Variants in SPTBN1 observed in about 807,000 individuals in gnomAD.
The protein encoded by SPTBN1 is spectrin beta chain, non-erythrocytic 1.
SPTBN1 carries 32 observed loss-of-function variants against 266.4 expected under a neutral mutation model. The ratio of observed to expected loss-of-function variants is 0.12; its 90% CI spans 0.09 to 0.16. The LOEUF (loss-of-function observed/expected upper bound fraction) is 0.16, where lower values mean the gene tolerates loss of function less well. SPTBN1 is among the 10% of genes least tolerant of loss of function. SPTBN1 has a pLI of 1.00. For missense variants in SPTBN1, 2,296 were observed against 3,067.1 expected (o/e 0.75, Z 5.94); for synonymous variants, 1,336 against 1,162.2 (o/e 1.15, Z -3.04).
At position 54,668,339 on chromosome 2, in the gene SPTBN1, T is replaced by TC. The variant is rs770489437; in HGVS notation, c.6877-10dup. ...TTAGTTGAGTCTCACCTGTGTCCCT[T>TC]CCTCTGTCCAGGAGGAAATGAACAC... On this transcript the variant is annotated splice_polypyrimidine_tract_variant and intron_variant, in intron 35 of 35. Coordinates refer to ENST00000356805, the MANE Select transcript of SPTBN1 (RefSeq NM_003128.3). 2 of 1,613,546 alleles carry TC rather than the reference T, an allele frequency of 1.2e-6. No individual in the cohort carries two copies. The highest frequency in any genetic ancestry group is 2.7e-5 in the African/African-American group (2 of 75,020).
chr2:54,661,463 C>T (rs962773994), intron 32 of SPTBN1: 2 of 985,532 alleles, frequency 2.0e-6, no homozygotes, highest in African/African-American at 1.7e-5. Context: ...GTCAGGATAA[C>T]GTCATATAGC....
At chr2:54,555,259 G>A (rs527748448) in intron 2 of SPTBN1, among the ~76,000 whole-genome samples, 17 of 152,188 alleles carry the variant, frequency 1.1e-4, no homozygotes, top group Admixed American at 3.3e-4. Context: ...CTGCACTCAG[G>A]ACTGTATCTT....
intron 26 of SPTBN1, among the ~76,000 whole-genome samples, chr2:54,651,390 G>A (rs1403002131): frequency 6.6e-6 from 1 of 152,144 alleles, no homozygotes; most frequent in African/African-American, 2.4e-5. Flanking sequence ...TTATAGCAGT[G>A]AAAAGGATGT....
At chr2:54,497,390 CT>C (rs1344695977) in intron 1 of SPTBN1, among the ~76,000 whole-genome samples, 17 of 152,118 alleles carry the variant, frequency 1.1e-4, no homozygotes, top group African/African-American at 3.4e-4. Flanking sequence ...TTCCACTAAG[CT>C]CACTTGAGTA....
intron 26 of SPTBN1, 130 bp downstream of exon 26, chr2:54,650,119 C>G: frequency 3.3e-6 from 4 of 1,208,932 alleles, no homozygotes; most frequent in Non-Finnish European, 4.5e-6. Context: ...ATACATGTAC[C>G]CACTTTGTAA....
intron 17 of SPTBN1, among the ~76,000 whole-genome samples, chr2:54,633,034 A>T (rs1269841888): frequency 6.6e-6 from 1 of 152,172 alleles, no homozygotes; most frequent in African/African-American, 2.4e-5. Flanking sequence ...GAGGACCTGT[A>T]AGAGCCGTAG....
chr2:54,590,354 A>G (rs1675590210), intron 2 of SPTBN1, among the ~76,000 whole-genome samples: 1 of 152,220 alleles, frequency 6.6e-6, no homozygotes, highest in East Asian at 1.9e-4. Context: ...TGAGACCACC[A>G]CCAACAATAA....
intron 2 of SPTBN1, among the ~76,000 whole-genome samples, chr2:54,538,388 A>G (rs989664151): frequency 6.6e-6 from 1 of 152,310 alleles, no homozygotes; most frequent in African/African-American, 2.4e-5. Context: ...GTGCCATTCT[A>G]GATTCTTTAG....
In SPTBN1 at chr2:54,558,427, C is replaced by A; in HGVS notation, c.148+31861C>A. The stretch of plus-strand genomic sequence containing the variant: ...CGCTGCGCCCGCGAGCTCCCGGGCT[C>A]GGCAACCGTGGCATGCTTAGGATTG... On this transcript the variant is annotated intron_variant, in intron 2 of 35. Transcript: ENST00000356805. The surrounding 1 kb of genome is among the most constrained non-coding windows in gnomAD (Gnocchi z 4.6). The A allele has an allele frequency of 9.8e-7, 1 of 1,021,314 alleles. No individual in the cohort carries two copies. Among genetic ancestry groups the A allele is most frequent in the African/African-American group, 1.7e-5 (1 of 58,548 alleles). The allele number at this position is 1,021,314 out of a possible 1,614,324, so 63.3% of individuals were successfully genotyped here.
chr2:54,529,808 C>G, intron 2 of SPTBN1: 1 of 484,328 alleles, frequency 2.1e-6, no homozygotes, highest in East Asian at 5.7e-5. Context: ...ATCATCCAAA[C>G]TGAGTCCATC....
intron 2 of SPTBN1, among the ~76,000 whole-genome samples, chr2:54,570,800 T>C (rs998118647): frequency 2.2e-4 from 34 of 152,352 alleles, no homozygotes; most frequent in African/African-American, 7.7e-4. Context: ...ATTTTATTTT[T>C]ATCTTTATTC....
In SPTBN1 at chr2:54,649,984, A is replaced by G. The variant is rs1190579300; in HGVS notation, c.5572A>G (p.Thr1858Ala). Residue 1858 changes from threonine to alanine, a missense_variant, in exon 26 of 36, where the codon ACA becomes GCA. This residue lies in a region of SPTBN1 where 644 missense variants were observed against 745.3 expected (regional missense o/e 0.86). Coordinates refer to ENST00000356805, the MANE Select transcript of SPTBN1 (RefSeq NM_003128.3). This position sits in a 1 kb window ranked among gnomAD's most constrained non-coding sequence, Gnocchi z 6.7. ...TGAGCATGACATCCAGGCTCTGGGC[A>G]CACAGGTGGGTATGGCAGCCACCCA... ...TFEHDIQALG[T>A]QVRQLQEDAA... is the part of the protein sequence containing the mutation. The G allele has an allele frequency of 6.2e-7, 1 of 1,606,694 alleles. No homozygotes were observed. The highest frequency in any genetic ancestry group is 8.5e-7 in the Non-Finnish European group (1 of 1,175,576).
intron 1 of SPTBN1, among the ~76,000 whole-genome samples, chr2:54,503,467 CT>C (rs1669384272): frequency 6.6e-6 from 1 of 152,102 alleles, no homozygotes; most frequent in African/African-American, 2.4e-5. Context: ...CTCTTTGACA[CT>C]GGCTGTCTCA....
chr2:54,550,003 C>T (rs763342363), intron 2 of SPTBN1, among the ~76,000 whole-genome samples: 18 of 152,188 alleles, frequency 1.2e-4, no homozygotes, highest in Non-Finnish European at 2.2e-4. Flanking sequence ...TGGTCATGCA[C>T]TTGTTTGAGG....
chr2:54,618,039 G>A, intron 6 of SPTBN1, 39 bp from the exon 7 acceptor site: 1 of 1,508,666 alleles, frequency 6.6e-7, no homozygotes, highest in Non-Finnish European at 9.1e-7. Flanking sequence ...TTCTTTTCAA[G>A]CCATGATTTT....
Position 54,670,959 on chromosome 2 carries a change from T to C in SPTBN1, c.*2390T>C. On this transcript the variant is annotated 3_prime_UTR_variant, in exon 36 of 36. Coordinates refer to ENST00000356805, the MANE Select transcript of SPTBN1 (RefSeq NM_003128.3). ...GGGTAAATAGTTTTTGGGTTTTTTG[T>C]TTTTTTTTTATTCTTCCACTATCAT... The C allele has an allele frequency of 2.7e-6, 1 of 364,244 alleles. No homozygotes were observed. Among genetic ancestry groups the C allele is most frequent in the Non-Finnish European group, 4.9e-6 (1 of 205,770 alleles). 22.6% of individuals were successfully genotyped at this position (364,244 alleles called of 1,614,324 possible). A position where few individuals can be genotyped will look rare whatever the true frequency, so the allele number is the denominator to read the frequency against.
chr2:54,650,968 T>G (rs906092904), intron 26 of SPTBN1, among the ~76,000 whole-genome samples: 1 of 152,260 alleles, frequency 6.6e-6, no homozygotes, highest in Non-Finnish European at 1.5e-5. Context: ...TTCCCCTTAA[T>G]TCTTAATTCC....
intron 32 of SPTBN1, chr2:54,662,470 G>C (rs552179269): frequency 6.3e-4 from 163 of 257,070 alleles, no homozygotes; most frequent in African/African-American, 3.5e-3. Flanking sequence ...CTTGCAGTCT[G>C]ACCAAGTATG....
At chr2:54,667,803 G>C (rs1399031771) in intron 35 of SPTBN1, among the ~76,000 whole-genome samples, 157 bp downstream of exon 35, 2 of 152,196 alleles carry the variant, frequency 1.3e-5, no homozygotes, top group Non-Finnish European at 2.9e-5. Flanking sequence ...GTTTGGTTCT[G>C]TCTCTAGAAG....
Sources: allele counts gnomAD v4.1 joint callset (sites outside exome capture counted in the v4.1 genomes callset), GRCh38; gene constraint gnomAD v4.1.1; regional missense constraint gnomAD v4.1.1; non-coding constraint Gnocchi (gnomAD v3.1); transcripts MANE v1.5; gene names NCBI Gene and HGNC (gene_info 2026-07-23, HGNC 2026-07-21).